The following JAKMIP1 variants were observed in gnomAD, a reference collection of about 807,000 sequenced individuals.
JAKMIP1 encodes janus kinase and microtubule interacting protein 1.
Under a neutral mutation model 113.0 loss-of-function variants are expected in JAKMIP1, and 33 were observed. The observed-to-expected ratio is 0.29, with a 90% CI of 0.22 to 0.39. JAKMIP1 has a LOEUF of 0.39. Ranked by LOEUF, JAKMIP1 falls within the 10% of genes least tolerant of loss-of-function variation. JAKMIP1 has a pLI of 1.00. For synonymous variants in JAKMIP1, 480 were observed against 459.9 expected, an observed-to-expected ratio of 1.04 and a Z score of -0.56; for missense variants, 813 against 1,080.5, an observed-to-expected ratio of 0.75 and a Z score of 3.47.
At chr4:6,182,003 G>A (rs1221753814) in intron 1 of JAKMIP1, among the ~76,000 whole-genome samples, 1 of 152,146 alleles carries the variant, frequency 6.6e-6, no homozygotes, top group African/African-American at 2.4e-5. Context: ...AATAAGGTAA[G>A]GGACAGTGTT....
intron 19 of JAKMIP1, among the ~76,000 whole-genome samples, chr4:6,030,856 C>T (rs1268676117): frequency 6.6e-6 from 1 of 152,222 alleles, no homozygotes; most frequent in Non-Finnish European, 1.5e-5. Context: ...AGGCCCTGCC[C>T]ACAGAGCTTC....
rs1021946956 is a variant in JAKMIP1 at position 6,167,216 on chromosome 4, G to C, written c.-148+33037C>G. On this transcript the variant is annotated intron_variant, in intron 1 of 20. Transcript: ENST00000409021. This position sits in a 1 kb window ranked among gnomAD's most constrained non-coding sequence, Gnocchi z 5.3. ...GGCCACTCATCCAGACCCAGGGCCTGTGAGTCCACTTGGAGCACTCCCTCC... is the reference window on the plus strand; with the variant it reads ...GGCCACTCATCCAGACCCAGGGCCTCTGAGTCCACTTGGAGCACTCCCTCC... 6.6e-6 allele frequency among the ~76,000 whole-genome samples: 1 copy of C among 152,118 alleles called. No homozygotes were observed. The highest frequency in any genetic ancestry group is 1.5e-5 in the Non-Finnish European group (1 of 68,018).
chr4:6,056,633 G>A lies in JAKMIP1; in HGVS notation c.1707+64C>T. On this transcript the variant is annotated intron_variant, in intron 12 of 20. Coordinates refer to ENST00000409021, the MANE Select transcript of JAKMIP1 (RefSeq NM_001099433.2). ...GCGCTGGGCACGACCCGTGTAGTCT[G>A]AGCAGGCCCGCGGGGTCCCAACTGC... is the stretch of plus-strand genomic sequence containing the variant. 3 of 1,299,664 alleles carry A rather than the reference G, an allele frequency of 2.3e-6. No homozygotes were observed. The South Asian group carries it at 3.5e-5, about 15-fold the overall frequency. 80.5% of individuals were successfully genotyped at this position (1,299,664 alleles called of 1,614,324 possible). A position where few individuals can be genotyped will look rare whatever the true frequency, so the allele number is the denominator to read the frequency against.
At chr4:6,035,833 A>C (rs940436338) in intron 19 of JAKMIP1, 71 bp downstream of exon 19, 38 of 1,323,706 alleles carry the variant, frequency 2.9e-5, no homozygotes, top group Middle Eastern at 2.6e-4. Context: ...GAGGCCCATC[A>C]GGGTGCCAAG....
chr4:6,191,258 T>A (rs1016401312), intron 1 of JAKMIP1, among the ~76,000 whole-genome samples: 3 of 152,066 alleles, frequency 2.0e-5, no homozygotes, highest in Non-Finnish European at 4.4e-5. Flanking sequence ...ACCCCTGCGC[T>A]CCTCACCAGG....
rs1226445036 is a variant in JAKMIP1 at position 6,054,139 on chromosome 4, G to C, written c.1717C>G (p.Leu573Val). The C allele has an allele frequency of 6.2e-7, 1 of 1,614,150 alleles. No homozygotes were observed. Among genetic ancestry groups the C allele is most frequent in the South Asian group, 1.1e-5 (1 of 91,078 alleles). ...NQDLLEKIYRLEMEENQLKNE... is the reference protein window; with the variant it reads ...NQDLLEKIYRVEMEENQLKNE... ...TTCAGCTGGTTCTCTTCCATTTCCA[G>C]TCTGTAAATCTAGAGCAAAGATACC... The change falls in exon 13 of 21, where the codon CTG (leucine) becomes GTG (valine). Residue 573 changes from leucine to valine, a missense_variant. By Grantham distance (32) the Leu-to-Val change is conservative. Around this residue, in one of 2 missense-constraint regions of JAKMIP1, gnomAD observed 273 missense variants for 426.6 expected, o/e 0.64. Transcript: ENST00000409021.
chr4:6,044,944 G>A lies in JAKMIP1; in HGVS notation c.2029-2717C>T, dbSNP rs1415645502. On this transcript the variant is annotated intron_variant, in intron 16 of 20. Transcript: ENST00000409021. The surrounding 1 kb of genome is among the most constrained non-coding windows in gnomAD (Gnocchi z 4.4). Reference sequence around the variant, plus strand: ...CCAGGAGAGGGGGTCTCAGGCTGGGGAGGAGAAGTGAGTCCACTCACAGGG... The same window carrying A: ...CCAGGAGAGGGGGTCTCAGGCTGGGAAGGAGAAGTGAGTCCACTCACAGGG... 6.6e-6 allele frequency among the ~76,000 whole-genome samples: 1 copy of A among 152,038 alleles called. No homozygotes were observed. The highest frequency in any genetic ancestry group is 1.5e-5 in the Non-Finnish European group (1 of 67,962).
chr4:6,070,166 G>T (rs970657827), intron 8 of JAKMIP1: 5 of 398,602 alleles, frequency 1.3e-5, no homozygotes, highest in Non-Finnish European at 2.2e-5. Flanking sequence ...ATTCCATGGT[G>T]GCGTGAAGCT....
In JAKMIP1 at chr4:6,093,555, C is replaced by A. The variant is rs565842837; in HGVS notation, c.625-7926G>T. On this transcript the variant is annotated intron_variant, in intron 3 of 20. Coordinates refer to ENST00000409021, the MANE Select transcript of JAKMIP1 (RefSeq NM_001099433.2). This position sits in a 1 kb window ranked among gnomAD's most constrained non-coding sequence, Gnocchi z 4.6. ...CTTCCAAGGCTGATAACCAACCCAACGAGATGTCCCAAAAAGACAGCTTCA... is the reference window on the plus strand; with the variant it reads ...CTTCCAAGGCTGATAACCAACCCAAAGAGATGTCCCAAAAAGACAGCTTCA... Among the ~76,000 whole-genome samples, 4 of 152,120 alleles carry A rather than the reference C, an allele frequency of 2.6e-5. No homozygotes were observed. Among genetic ancestry groups the A allele is most frequent in the Admixed American group, 6.5e-5 (1 of 15,270 alleles).
At chr4:6,041,708 A>G (rs1192665758) in intron 17 of JAKMIP1, among the ~76,000 whole-genome samples, 1 of 152,246 alleles carries the variant, frequency 6.6e-6, no homozygotes, top group Non-Finnish European at 1.5e-5. Flanking sequence ...TGAGAAAACT[A>G]AAGTCCAGTT....
intron 16 of JAKMIP1, among the ~76,000 whole-genome samples, chr4:6,048,353 C>T (rs1056447321): frequency 1.3e-5 from 2 of 152,058 alleles, no homozygotes; most frequent in Admixed American, 1.3e-4. Context: ...TATTTTAAGA[C>T]GTAGATAGAA....
chr4:6,091,025 T>G (rs1156753481), intron 3 of JAKMIP1, among the ~76,000 whole-genome samples: 1 of 152,210 alleles, frequency 6.6e-6, no homozygotes, highest in East Asian at 1.9e-4. Flanking sequence ...TAGACACAAG[T>G]CCAAAAGCCT....
rs747742808 is a variant in JAKMIP1, at chr4:6,064,845, G to T, written c.1431+35C>A. 1 of 1,612,794 alleles carries T rather than the reference G, an allele frequency of 6.2e-7. No homozygotes were observed. The highest frequency in any genetic ancestry group is 1.1e-5 in the South Asian group (1 of 91,002). The stretch of plus-strand genomic sequence containing the variant: ...GGAGGTGCCGCCCCGAGAGCATCTG[G>T]GGTGAGGTCCCGCCCTCTCTGCAGG... On this transcript the variant is annotated intron_variant, in intron 9 of 20. Coordinates refer to ENST00000409021, the MANE Select transcript of JAKMIP1 (RefSeq NM_001099433.2). This position sits in a 1 kb window ranked among gnomAD's most constrained non-coding sequence, Gnocchi z 4.3.
chr4:6,061,855 T>C lies in JAKMIP1; in HGVS notation c.1560+457A>G, dbSNP rs1049369366. 2.0e-5 allele frequency among the ~76,000 whole-genome samples: 3 copies of C among 152,150 alleles called. No individual in the cohort carries two copies. The highest frequency in any genetic ancestry group is 4.2e-4 in the South Asian group (2 of 4,816). On this transcript the variant is annotated intron_variant, in intron 10 of 20. Transcript: ENST00000409021. This position sits in a 1 kb window ranked among gnomAD's most constrained non-coding sequence, Gnocchi z 5.3. The stretch of plus-strand genomic sequence containing the variant: ...GCAGAGCTCAGCCTAGCCTGAGGAA[T>C]GGCGTGGCCTGGACTGAGGTGGTCA...
intron 1 of JAKMIP1, among the ~76,000 whole-genome samples, chr4:6,119,468 C>A (rs150989690): frequency 3.1e-3 from 464 of 151,780 alleles, no homozygotes; most frequent in African/African-American, 1.0e-2. Context: ...CGCTTGAACC[C>A]GGGAGGTGGA....
chr4:6,198,010 C>T (rs948687333), intron 1 of JAKMIP1, among the ~76,000 whole-genome samples: 2 of 152,196 alleles, frequency 1.3e-5, no homozygotes, highest in Non-Finnish European at 2.9e-5. Context: ...GACTCTCTGA[C>T]AGCACGGGCA....
At chr4:6,056,398 C>T (rs773366657) in intron 12 of JAKMIP1, among the ~76,000 whole-genome samples, 14 of 152,218 alleles carry the variant, frequency 9.2e-5, no homozygotes, top group Middle Eastern at 3.2e-3. Flanking sequence ...TTGGGGCCAG[C>T]CCTCCCCATT....
At chr4:6,101,816 G>A (rs1021311839) in intron 3 of JAKMIP1, among the ~76,000 whole-genome samples, 1 of 149,624 alleles carries the variant, frequency 6.7e-6, no homozygotes, top group Non-Finnish European at 1.5e-5. Flanking sequence ...TGAGGCAGGA[G>A]AATTGCTTGA....
chr4:6,064,810 A>G lies in JAKMIP1; in HGVS notation c.1431+70T>C. 6.2e-7 allele frequency: 1 copy of G among 1,603,458 alleles called. No homozygotes were observed. The highest frequency in any genetic ancestry group is 1.3e-5 in the African/African-American group (1 of 74,608). ...AGGCAAGGGAGCGAAACTTGCAACT[A>G]TCAAAAGCAGGAGGTGCCGCCCCGA... On this transcript the variant is annotated intron_variant, in intron 9 of 20. Coordinates refer to ENST00000409021, the MANE Select transcript of JAKMIP1 (RefSeq NM_001099433.2). This position sits in a 1 kb window ranked among gnomAD's most constrained non-coding sequence, Gnocchi z 4.3.
Sources: allele counts gnomAD v4.1 joint callset (sites outside exome capture counted in the v4.1 genomes callset), GRCh38; gene constraint gnomAD v4.1.1; regional missense constraint gnomAD v4.1.1; non-coding constraint Gnocchi (gnomAD v3.1); transcripts MANE v1.5; gene names NCBI Gene and HGNC (gene_info 2026-07-23, HGNC 2026-07-21).